Variants in RIDA observed in about 807,000 individuals in gnomAD.
RIDA encodes the protein reactive intermediate imine deaminase A, also known as 2-iminobutanoate/2-iminopropanoate deaminase.
Under a neutral mutation model 17.8 loss-of-function variants are expected in RIDA, and 17 were observed. The observed-to-expected ratio is 0.96, with a 90% CI of 0.65 to 1.43. RIDA has a LOEUF of 1.43. Among genes scored for constraint, RIDA ranks in the 40% most tolerant of loss-of-function variants. The pLI is 0.00. For synonymous variants in RIDA, 48 were observed against 55.7 expected, an observed-to-expected ratio of 0.86 and a Z score of 0.62; for missense variants, 158 against 161.7, an observed-to-expected ratio of 0.98 and a Z score of 0.12.
chr8:98,117,061 C>T lies in RIDA; in HGVS notation c.36G>A (p.Ala12=). The T allele has an allele frequency of 1.2e-6, 2 of 1,614,216 alleles. No individual in the cohort carries two copies. The highest frequency in any genetic ancestry group is 1.7e-6 in the Non-Finnish European group (2 of 1,180,004). Residue 12 remains alanine (A), a synonymous_variant, in exon 1 of 6, where the codon GCG becomes GCA. Transcript: ENST00000254878. The stretch of plus-strand genomic sequence containing the variant: ...AGGGTCCAATGGCCCCTGGGGCTTT[C>T]GCGGTGCTGATCACCCTTCTGATCA... The part of the protein sequence containing the change: ...SSLIRRVIST[A]KAPGAIGPYS...
intron 2 of RIDA, among the ~76,000 whole-genome samples, chr8:98,107,829 G>T (rs1463199629): frequency 6.6e-6 from 1 of 151,710 alleles, no homozygotes; most frequent in Non-Finnish European, 1.5e-5. Flanking sequence ...GAGTGGAGTG[G>T]CACAATCTCA....
intron 2 of RIDA, among the ~76,000 whole-genome samples, chr8:98,107,507 G>A (rs1179197066): frequency 2.0e-5 from 3 of 152,218 alleles, no homozygotes; most frequent in African/African-American, 7.2e-5. Context: ...CTGGGCGACA[G>A]AGCAAGGCTG....
intron 4 of RIDA, among the ~76,000 whole-genome samples, chr8:98,104,800 TC>T (rs1237490817): frequency 1.3e-5 from 2 of 152,230 alleles, no homozygotes; most frequent in East Asian, 3.9e-4. Flanking sequence ...AACCTCTGTC[TC>T]CCATGTTCAA....
Position 98,108,307 on chromosome 8 carries a change from AT to A in RIDA, c.171+338del, listed in dbSNP as rs200075722. ...TTGACTTTTTACTTCTGTGGTGGTA[AT>A]TTTTTTTTTTTTTTGAAGAGGGGCA... On this transcript the variant is annotated intron_variant, in intron 2 of 5. Transcript: ENST00000254878. Among the ~76,000 whole-genome samples the A allele has an allele frequency of 9.8e-3, 1,430 of 145,184 alleles. 12 individuals carry two copies. Among genetic ancestry groups the A allele is most frequent in the African/African-American group, 0.029 (1,162 of 39,650 alleles).
At chr8:98,104,466 T>C in intron 5 of RIDA, 23 bp downstream of exon 5, 1 of 1,398,772 alleles carries the variant, frequency 7.1e-7, no homozygotes, top group Non-Finnish European at 1.0e-6. Flanking sequence ...ACTGTGTACA[T>C]TAGTCATTTA....
intron 1 of RIDA, among the ~76,000 whole-genome samples, chr8:98,109,971 C>A (rs576469841): frequency 6.6e-6 from 1 of 152,026 alleles, no homozygotes; most frequent in Non-Finnish European, 1.5e-5. Flanking sequence ...AAAGAGTTTA[C>A]GTGAATGTTC....
At chr8:98,103,552 C>T (rs1404632203) in intron 5 of RIDA, among the ~76,000 whole-genome samples, 3 of 152,104 alleles carry the variant, frequency 2.0e-5, no homozygotes, top group Non-Finnish European at 4.4e-5. Flanking sequence ...GAAATTTTTA[C>T]TGCAGAACTC....
At chr8:98,109,035 A>C (rs866867707) in intron 1 of RIDA, among the ~76,000 whole-genome samples, 6 of 152,114 alleles carry the variant, frequency 3.9e-5, no homozygotes, top group Admixed American at 6.6e-5. Flanking sequence ...TCTACAAAAA[A>C]CAATAAAAAA....
intron 5 of RIDA, 92 bp downstream of exon 5, chr8:98,104,397 A>C (rs1441893629): frequency 1.1e-6 from 1 of 876,122 alleles, no homozygotes; most frequent in Non-Finnish European, 1.9e-6. Flanking sequence ...TACTTCTTTT[A>C]AGTTTCCTTT....
At chr8:98,106,054 C>G in intron 3 of RIDA, 48 bp from the exon 4 acceptor site, 6 of 1,329,136 alleles carry the variant, frequency 4.5e-6, no homozygotes, top group Non-Finnish European at 6.5e-6. Flanking sequence ...TGGTCTGACC[C>G]AAAACATTAC....
At chr8:98,116,530 G>C (rs1815829167) in intron 1 of RIDA, among the ~76,000 whole-genome samples, 1 of 152,184 alleles carries the variant, frequency 6.6e-6, no homozygotes, top group Non-Finnish European at 1.5e-5. Flanking sequence ...CAAGTAGATT[G>C]TCAGGGGCCG....
chr8:98,116,943 AGCTGGGGCTCCG>A, intron 1 of RIDA, 77 bp downstream of exon 1: 1 of 1,049,994 alleles, frequency 9.5e-7, no homozygotes, highest in Non-Finnish European at 1.4e-6. Context: ...CTTGCGTGTT[AGCTGGGGCTCCG>A]GCCCGGAGTG....
intron 1 of RIDA, among the ~76,000 whole-genome samples, chr8:98,110,810 T>C (rs1315942617): frequency 6.6e-6 from 1 of 152,128 alleles, no homozygotes; most frequent in Non-Finnish European, 1.5e-5. Flanking sequence ...TAGGACCTGG[T>C]GGGAGGTGAC....
chr8:98,116,397 C>G (rs1009311505), intron 1 of RIDA, among the ~76,000 whole-genome samples: 1 of 152,146 alleles, frequency 6.6e-6, no homozygotes, highest in African/African-American at 2.4e-5. Flanking sequence ...TGATGGGGCT[C>G]TTTTCAGTTG....
chr8:98,105,449 C>G (rs942163111), intron 4 of RIDA, among the ~76,000 whole-genome samples: 1 of 152,194 alleles, frequency 6.6e-6, no homozygotes, highest in African/African-American at 2.4e-5. Flanking sequence ...ACACCAGCAT[C>G]TAAGTGCTTT....
chr8:98,110,475 G>A (rs1266487698), intron 1 of RIDA, among the ~76,000 whole-genome samples: 2 of 152,146 alleles, frequency 1.3e-5, no homozygotes, highest in Admixed American at 6.5e-5. Flanking sequence ...GGCCAGGCTG[G>A]TCTTGAACTC....
chr8:98,116,631 A>G (rs920119100), intron 1 of RIDA, among the ~76,000 whole-genome samples: 1 of 152,178 alleles, frequency 6.6e-6, no homozygotes, highest in Non-Finnish European at 1.5e-5. Flanking sequence ...TGATGGCTGC[A>G]CAACTCTGTG....
chr8:98,114,327 CT>C (rs10576507), intron 1 of RIDA, among the ~76,000 whole-genome samples: 33,707 of 142,832 alleles, frequency 0.24, 3,633 homozygotes, highest in Non-Finnish European at 0.29. Context: ...CTGCTAAAAT[CT>C]TTTTTTTTTT....
intron 1 of RIDA, among the ~76,000 whole-genome samples, chr8:98,109,625 T>C (rs1362247249): frequency 6.6e-6 from 1 of 152,178 alleles, no homozygotes; most frequent in Non-Finnish European, 1.5e-5. Flanking sequence ...AGACAGGATC[T>C]TGCTCTGTCA....
Sources: allele counts gnomAD v4.1 joint callset (sites outside exome capture counted in the v4.1 genomes callset), GRCh38; gene constraint gnomAD v4.1.1; transcripts MANE v1.5; gene names NCBI Gene and HGNC (gene_info 2026-07-23, HGNC 2026-07-21).